The following COL22A1 variants were observed in gnomAD, a reference collection of about 807,000 sequenced individuals.
COL22A1 encodes collagen type XXII alpha 1 chain, also known as collagen alpha-1(XXII) chain.
COL22A1 carries 221 observed loss-of-function variants against 248.9 expected under a neutral mutation model. That is an observed-to-expected ratio of 0.89 (90% CI 0.80 to 0.99). The LOEUF (loss-of-function observed/expected upper bound fraction) is 0.99. Among genes scored for constraint, COL22A1 ranks in the 50% least tolerant of loss-of-function variants. The probability of loss-of-function intolerance (pLI) is 0.00; values close to 1 mark genes in which losing one functional copy is unlikely to be tolerated. For synonymous variants in COL22A1, 891 were observed against 793.4 expected, an observed-to-expected ratio of 1.12 and a Z score of -2.07; for missense variants, 2,240 against 2,179.0, an observed-to-expected ratio of 1.03 and a Z score of -0.56.
chr8:138,824,983 G>A (rs987097120), intron 6 of COL22A1, among the ~76,000 whole-genome samples: 1 of 152,170 alleles, frequency 6.6e-6, no homozygotes, highest in African/African-American at 2.4e-5. Context: ...ATGCACACAT[G>A]GCAGACAGGA....
intron 30 of COL22A1, among the ~76,000 whole-genome samples, chr8:138,715,279 C>T (rs960364364): frequency 1.3e-5 from 2 of 152,028 alleles, no homozygotes; most frequent in African/African-American, 2.4e-5. Context: ...CAGTACAGGC[C>T]GGGCATGGTG....
intron 3 of COL22A1, among the ~76,000 whole-genome samples, chr8:138,857,330 G>T (rs1202850542): frequency 6.6e-6 from 1 of 152,220 alleles, no homozygotes; most frequent in Non-Finnish European, 1.5e-5. Context: ...AGATGGACAT[G>T]AGGATGGGTC....
chr8:138,756,058 AT>A (rs1832976378), intron 18 of COL22A1, among the ~76,000 whole-genome samples: 1 of 151,656 alleles, frequency 6.6e-6, no homozygotes, highest in Admixed American at 6.6e-5. Flanking sequence ...CAGGAGTCTT[AT>A]TTTCTATTTT....
intron 35 of COL22A1, among the ~76,000 whole-genome samples, chr8:138,692,262 G>GGAGGTGTGTGTGTGTACATGTGGGTA: frequency 7.0e-6 from 1 of 143,694 alleles, no homozygotes; most frequent in African/African-American, 2.6e-5. Context: ...GTGTGCGTGT[G>GGAGGTGTGTGTGTGTACATGTGGGTA]TGCATGTTTG....
chr8:138,845,709 G>A (rs1387144232), intron 3 of COL22A1, among the ~76,000 whole-genome samples: 1 of 152,090 alleles, frequency 6.6e-6, no homozygotes. Flanking sequence ...GTGGGCACCT[G>A]TGGCATGGGA....
At chr8:138,906,180 C>A (rs539688826) in intron 1 of COL22A1, among the ~76,000 whole-genome samples, 16 of 152,214 alleles carry the variant, frequency 1.1e-4, no homozygotes, top group African/African-American at 3.4e-4. Flanking sequence ...ACCATCCTGG[C>A]TGACACGGTG....
intron 14 of COL22A1, among the ~76,000 whole-genome samples, chr8:138,779,157 C>A (rs1317820351): frequency 1.3e-5 from 2 of 152,152 alleles, no homozygotes. Context: ...TTATATATTA[C>A]AATACATCCA....
intron 16 of COL22A1, among the ~76,000 whole-genome samples, chr8:138,771,466 C>A (rs751147287): frequency 6.6e-6 from 1 of 152,184 alleles, no homozygotes; most frequent in Non-Finnish European, 1.5e-5. Flanking sequence ...AGTTCTCCCC[C>A]GGCTTCTCTA....
intron 47 of COL22A1, among the ~76,000 whole-genome samples, chr8:138,638,208 T>C (rs544652138): frequency 6.6e-6 from 1 of 152,316 alleles, no homozygotes; most frequent in South Asian, 2.1e-4. Flanking sequence ...CTTTATTGTG[T>C]TAATAAGTGT....
At chr8:138,640,900 G>A (rs969816187) in intron 47 of COL22A1, among the ~76,000 whole-genome samples, 3 of 152,298 alleles carry the variant, frequency 2.0e-5, no homozygotes, top group African/African-American at 7.2e-5. Flanking sequence ...CTAATAAGAG[G>A]CAAAGTGGGT....
chr8:138,787,599 A>G (rs1815647946), intron 12 of COL22A1, among the ~76,000 whole-genome samples: 1 of 152,224 alleles, frequency 6.6e-6, no homozygotes, highest in Non-Finnish European at 1.5e-5. Context: ...TTCCACCTAT[A>G]AAAAGAAAAT....
intron 47 of COL22A1, among the ~76,000 whole-genome samples, chr8:138,642,176 C>A (rs1264060731): frequency 1.3e-5 from 2 of 152,178 alleles, no homozygotes; most frequent in African/African-American, 4.8e-5. Context: ...TCAGCTGTTA[C>A]TAAGGAGTAT....
intron 3 of COL22A1, among the ~76,000 whole-genome samples, chr8:138,868,894 C>CT (rs772991587): frequency 2.0e-5 from 3 of 152,124 alleles, no homozygotes; most frequent in Non-Finnish European, 2.9e-5. Context: ...CCACACCCGG[C>CT]TAATTTTTGT....
intron 51 of COL22A1, 100 bp downstream of exon 51, chr8:138,626,090 C>A: frequency 1.2e-6 from 1 of 863,648 alleles, no homozygotes; most frequent in Non-Finnish European, 1.8e-6. Flanking sequence ...ATTCTAGTGG[C>A]CAGGCCTTGT....
At chr8:138,837,285 T>C (rs1820510877) in intron 4 of COL22A1, among the ~76,000 whole-genome samples, 1 of 152,158 alleles carries the variant, frequency 6.6e-6, no homozygotes. Flanking sequence ...CCAGAGTGCA[T>C]GACTGGGAGC....
chr8:138,862,411 T>C (rs1822552354), intron 3 of COL22A1, among the ~76,000 whole-genome samples: 1 of 152,160 alleles, frequency 6.6e-6, no homozygotes, highest in South Asian at 2.1e-4. Flanking sequence ...GGCACTGGCT[T>C]CTGGAGGCTG....
intron 3 of COL22A1, among the ~76,000 whole-genome samples, chr8:138,877,313 G>C (rs191422567): frequency 6.6e-6 from 1 of 152,148 alleles, no homozygotes; most frequent in Non-Finnish European, 1.5e-5. Context: ...CTGCCCCTTC[G>C]GAGACCCTGC....
Position 138,591,473 on chromosome 8 carries a change from A to G in COL22A1, c.4644T>C (p.Gly1548=), listed in dbSNP as rs1817043269. 6.3e-7 allele frequency: 1 copy of G among 1,576,940 alleles called. No homozygotes were observed. The highest frequency in any genetic ancestry group is 8.6e-7 in the Non-Finnish European group (1 of 1,161,086). The change falls in exon 64 of 65, where the codon GGT becomes GGC. Residue 1548 remains glycine (G), a synonymous_variant. Coordinates refer to ENST00000303045, the MANE Select transcript of COL22A1 (RefSeq NM_152888.3). ...CGCCTCGGAGGCCAACTCCAGGTGC[A>G]CCTGGGTCACCTTTGGCTCCTCGCT... ...KGERGAKGDP[G]APGVGLRGEM...
intron 23 of COL22A1, among the ~76,000 whole-genome samples, chr8:138,727,797 G>A (rs191367918): frequency 1.2e-3 from 185 of 152,262 alleles, no homozygotes; most frequent in African/African-American, 4.3e-3. Context: ...CGGAGGGGCA[G>A]GGCAGGGCTG....
Sources: gnomAD v4.1 joint callset for allele counts (sites outside exome capture counted in the v4.1 genomes callset) on GRCh38, gnomAD v4.1.1 for gene constraint, MANE v1.5 for transcripts, NCBI Gene and HGNC (gene_info 2026-07-23, HGNC 2026-07-21) for gene names.